The following SLC9C2 variants were observed in gnomAD, a reference collection of about 807,000 sequenced individuals.
SLC9C2 encodes solute carrier family 9 member C2 (putative).
In SLC9C2, 75 loss-of-function variants were observed where a neutral mutation model predicts 140.2. The ratio of observed to expected loss-of-function variants is 0.53; its 90% CI spans 0.44 to 0.65. The LOEUF is 0.65. Among genes scored for constraint, SLC9C2 ranks in the 30% least tolerant of loss-of-function variants. The pLI, the probability that SLC9C2 is intolerant of heterozygous loss-of-function variation, is 0.00. For missense variants in SLC9C2, 1,074 were observed against 1,331.8 expected, an observed-to-expected ratio of 0.81 and a Z score of 3.01; for synonymous variants, 375 against 420.9, an observed-to-expected ratio of 0.89 and a Z score of 1.34.
At chr1:173,534,234 A>G (rs575038143) in intron 16 of SLC9C2, among the ~76,000 whole-genome samples, 16 of 152,234 alleles carry the variant, frequency 1.1e-4, no homozygotes, top group African/African-American at 3.8e-4. Flanking sequence ...TGGATTTTCA[A>G]TTCTCCTTTA....
chr1:173,564,699 G>A (rs568821871), intron 9 of SLC9C2, among the ~76,000 whole-genome samples: 11 of 145,656 alleles, frequency 7.6e-5, no homozygotes, highest in African/African-American at 2.0e-4. Context: ...GTGCAGTGGC[G>A]CGATCTCGGC....
chr1:173,521,907 A>AAAAAAAAC (rs1660851083), intron 21 of SLC9C2, among the ~76,000 whole-genome samples: 1 of 141,342 alleles, frequency 7.1e-6, no homozygotes, highest in East Asian at 2.2e-4. Context: ...AAAAAAAAAA[A>AAAAAAAAC]ATGCAGAAAA....
At chr1:173,599,553 T>C (rs905630577) in intron 3 of SLC9C2, among the ~76,000 whole-genome samples, 4 of 151,656 alleles carry the variant, frequency 2.6e-5, no homozygotes, top group Non-Finnish European at 5.9e-5. Flanking sequence ...TTTTTGTATT[T>C]TTTAGTAGAG....
At chr1:173,548,126 A>T (rs771949165) in intron 12 of SLC9C2, among the ~76,000 whole-genome samples, 1 of 152,248 alleles carries the variant, frequency 6.6e-6, no homozygotes, top group Non-Finnish European at 1.5e-5. Flanking sequence ...TTATCTTGGC[A>T]GAGGCCATTG....
chr1:173,595,392 G>T (rs1666387047), intron 4 of SLC9C2, among the ~76,000 whole-genome samples: 1 of 152,144 alleles, frequency 6.6e-6, no homozygotes, highest in African/African-American at 2.4e-5. Flanking sequence ...GCACATGCCA[G>T]CTGATTTGAC....
intron 4 of SLC9C2, among the ~76,000 whole-genome samples, chr1:173,597,343 C>A (rs1021025368): frequency 4.0e-5 from 6 of 151,584 alleles, no homozygotes; most frequent in African/African-American, 1.5e-4. Context: ...ATGTGGGATA[C>A]CACTAAAAAG....
intron 4 of SLC9C2, among the ~76,000 whole-genome samples, chr1:173,588,670 A>G (rs1665990543): frequency 6.6e-6 from 1 of 152,262 alleles, no homozygotes; most frequent in Admixed American, 6.5e-5. Context: ...TTGTGCCAAA[A>G]TTTGTGTGGA....
At chr1:173,503,174 T>C in intron 27 of SLC9C2, 92 bp downstream of exon 27, 1 of 1,005,546 alleles carries the variant, frequency 9.9e-7, no homozygotes, top group African/African-American at 1.6e-5. Context: ...TCTCACCACC[T>C]ACAATTTGCT....
intron 8 of SLC9C2, among the ~76,000 whole-genome samples, chr1:173,573,817 C>T (rs1424419014): frequency 6.6e-6 from 1 of 152,208 alleles, no homozygotes; most frequent in Non-Finnish European, 1.5e-5. Context: ...GTCTGCTTTC[C>T]TGTCTACTGA....
At chr1:173,544,823 C>G (rs1662721373) in intron 13 of SLC9C2, among the ~76,000 whole-genome samples, 1 of 152,090 alleles carries the variant, frequency 6.6e-6, no homozygotes. Flanking sequence ...CACTTGGACA[C>G]AGGGCGGGGA....
chr1:173,594,698 C>T (rs1247966663), intron 4 of SLC9C2, among the ~76,000 whole-genome samples: 2 of 152,090 alleles, frequency 1.3e-5, no homozygotes, highest in African/African-American at 4.8e-5. Context: ...ATAATTAAAG[C>T]ATTCTGAAGT....
intron 11 of SLC9C2, among the ~76,000 whole-genome samples, chr1:173,552,133 C>T (rs773420816): frequency 2.6e-5 from 4 of 152,190 alleles, no homozygotes; most frequent in Admixed American, 6.5e-5. Flanking sequence ...GAGAAAGGCC[C>T]TAACTCTATT....
chr1:173,563,129 C>T (rs1457007450), intron 9 of SLC9C2, among the ~76,000 whole-genome samples: 1 of 151,292 alleles, frequency 6.6e-6, no homozygotes, highest in Non-Finnish European at 1.5e-5. Context: ...CTTGGAAGGA[C>T]CTGAAGAAAC....
intron 11 of SLC9C2, among the ~76,000 whole-genome samples, chr1:173,552,804 C>A (rs184029813): frequency 2.0e-5 from 3 of 152,330 alleles, no homozygotes; most frequent in Admixed American, 1.3e-4. Context: ...GCCAGCACAA[C>A]ATCCATTCTG....
chr1:173,529,595 AC>A (rs1440832528), intron 18 of SLC9C2, among the ~76,000 whole-genome samples: 2 of 150,660 alleles, frequency 1.3e-5, no homozygotes, highest in East Asian at 3.9e-4. Context: ...TCCTGCATAC[AC>A]CTTTCCAAGT....
At chr1:173,522,149 G>A (rs556444915) in intron 21 of SLC9C2, among the ~76,000 whole-genome samples, 1 of 152,120 alleles carries the variant, frequency 6.6e-6, no homozygotes, top group Middle Eastern at 3.4e-3. Flanking sequence ...GTGAACCCGG[G>A]AGGTGGAGCT....
intron 9 of SLC9C2, among the ~76,000 whole-genome samples, chr1:173,558,989 G>C (rs1663909355): frequency 6.6e-6 from 1 of 152,154 alleles, no homozygotes; most frequent in Non-Finnish European, 1.5e-5. Flanking sequence ...AAATAACAGA[G>C]ATAAATAATT....
In SLC9C2 at chr1:173,507,233, C is replaced by T. The variant is rs939382457; in HGVS notation, c.3040-192G>A. 2.6e-5 allele frequency among the ~76,000 whole-genome samples: 4 copies of T among 152,140 alleles called. No homozygotes were observed. The East Asian group carries it at 7.7e-4, about 29-fold the overall frequency. On this transcript the variant is annotated intron_variant, in intron 24 of 27. Coordinates refer to ENST00000367714, the MANE Select transcript of SLC9C2 (RefSeq NM_178527.4). ...AATTTCTAAATTCCAAATGTTTATG[C>T]TGTTAATGGGCCCTGGATACTGTTG...
intron 13 of SLC9C2, among the ~76,000 whole-genome samples, chr1:173,545,252 A>G (rs911913813): frequency 2.0e-5 from 3 of 152,246 alleles, no homozygotes; most frequent in African/African-American, 7.2e-5. Context: ...CATGGAAAAC[A>G]AACAATTTTT....
Sources: gnomAD v4.1 joint callset for allele counts (sites outside exome capture counted in the v4.1 genomes callset) on GRCh38, gnomAD v4.1.1 for gene constraint, MANE v1.5 for transcripts, NCBI Gene and HGNC (gene_info 2026-07-23, HGNC 2026-07-21) for gene names.